PTPRQ: variants seen among roughly 807,000 people sequenced by gnomAD.
The protein encoded by PTPRQ is phosphatidylinositol phosphatase PTPRQ.
PTPRQ carries 199 observed loss-of-function variants against 246.0 expected under a neutral mutation model. That is an observed-to-expected ratio of 0.81 (90% CI 0.72 to 0.91). The LOEUF is 0.91. PTPRQ is among the 40% of genes least tolerant of loss of function. PTPRQ has a pLI of 0.00. For missense variants in PTPRQ, 2,624 were observed against 2,528.4 expected (o/e 1.04, Z -0.81); for synonymous variants, 869 against 853.2 (o/e 1.02, Z -0.32).
Position 80,641,092 on chromosome 12 carries a change from T to C in PTPRQ, c.5915+6019T>C, listed in dbSNP as rs192607635. 5.3e-5 allele frequency among the ~76,000 whole-genome samples: 8 copies of C among 152,312 alleles called. No homozygotes were observed. In the East Asian group the frequency reaches 9.6e-4, roughly 18 times the overall value. On this transcript the variant is annotated intron_variant, in intron 35 of 44. Coordinates refer to ENST00000644991, the MANE Select transcript of PTPRQ (RefSeq NM_001145026.2). ...TCTTGTTCCCTGACTCTCTAGTGCA[T>C]ACACAGAATGGCATATTTCATGGAA... is the stretch of plus-strand genomic sequence containing the variant.
chr12:80,565,643 A>G (rs1485940078), intron 25 of PTPRQ, among the ~76,000 whole-genome samples: 2 of 152,240 alleles, frequency 1.3e-5, no homozygotes, highest in Admixed American at 6.5e-5. Context: ...AACGTCATGG[A>G]AAAACTTTTA....
intron 43 of PTPRQ, among the ~76,000 whole-genome samples, chr12:80,678,278 G>T (rs1049738354): frequency 1.3e-5 from 2 of 152,062 alleles, no homozygotes; most frequent in African/African-American, 4.8e-5. Context: ...TACCAATTAG[G>T]TCTAACAGGA....
chr12:80,541,878 G>T lies in PTPRQ; in HGVS notation c.3445+33G>T, dbSNP rs1038718923. The T allele has an allele frequency of 4.7e-6, 7 of 1,491,894 alleles. No individual in the cohort carries two copies. In the Admixed American group the frequency reaches 1.0e-4, roughly 22 times the overall value. 92.4% of individuals were successfully genotyped at this position (1,491,894 alleles called of 1,614,324 possible). ...AGACCCTTTTATTGTCTGTTAAGCA[G>T]ATTGTTGTTCTTTTCATTTACATTG... On this transcript the variant is annotated intron_variant, in intron 21 of 44. Transcript: ENST00000644991.
chr12:80,586,205 A>C (rs1897612612), intron 25 of PTPRQ, among the ~76,000 whole-genome samples: 1 of 152,064 alleles, frequency 6.6e-6, no homozygotes, highest in Non-Finnish European at 1.5e-5. Context: ...ACAAGAAAAA[A>C]ACAAACAACC....
intron 25 of PTPRQ, chr12:80,586,590 T>G (rs1423059930): frequency 6.6e-6 from 1 of 152,228 alleles, no homozygotes; most frequent in African/African-American, 2.4e-5. Flanking sequence ...TAAAGGAATT[T>G]AGTATCTTCT....
At position 80,460,688 on chromosome 12, in the gene PTPRQ, C is replaced by A; in HGVS notation, c.696C>A (p.Ser232Arg). 2.5e-6 allele frequency: 1 copy of A among 399,004 alleles called. No homozygotes were observed. Among genetic ancestry groups the A allele is most frequent in the Non-Finnish European group, 4.4e-6 (1 of 226,140 alleles). The allele number at this position is 399,004 out of a possible 1,614,324, so 24.7% of individuals were successfully genotyped here. The change falls in exon 6 of 45, where the codon AGC becomes AGA. Residue 232 changes from serine (S) to arginine (R), a missense_variant. By Grantham distance (110) the Ser-to-Arg change is moderately radical. Transcript: ENST00000644991. The stretch of plus-strand genomic sequence containing the variant: ...AATCTTTTTTATGGAGTACAGCCAG[C>A]CCTTCTCCAACCCTTGGTAGAGTTA... ...NSESFLWSTA[S>R]PSPTLGRVTP... is the part of the protein sequence containing the mutation.
chr12:80,668,004 G>T (rs764090680), intron 39 of PTPRQ, among the ~76,000 whole-genome samples: 2 of 151,718 alleles, frequency 1.3e-5, no homozygotes, highest in African/African-American at 2.4e-5. Context: ...AAATAAACTT[G>T]CTGGATTACA....
chr12:80,457,588 A>T lies in PTPRQ; in HGVS notation c.404A>T (p.Asn135Ile), dbSNP rs1893019139. 3 of 400,158 alleles carry T rather than the reference A, an allele frequency of 7.5e-6. No homozygotes were observed. The highest frequency in any genetic ancestry group is 4.4e-6 in the Non-Finnish European group (1 of 225,948). 24.8% of individuals were successfully genotyped at this position (400,158 alleles called of 1,614,324 possible). ...TTYEIKVAAENSAGIGVFSDP... is the reference protein window; with the variant it reads ...TTYEIKVAAEISAGIGVFSDP... ...GGTCTGTTCTAGGTTGCTGCTGAAA[A>T]CAGTGCTGGCATTGGAGTGTTTAGT... is the stretch of plus-strand genomic sequence containing the variant. The change falls in exon 4 of 45, where the codon AAC becomes ATC. Residue 135 changes from asparagine to isoleucine, a missense_variant. Transcript: ENST00000644991.
At chr12:80,580,243 A>G (rs945537793) in intron 25 of PTPRQ, among the ~76,000 whole-genome samples, 8 of 152,210 alleles carry the variant, frequency 5.3e-5, no homozygotes, top group South Asian at 2.1e-4. Flanking sequence ...AACCATGATG[A>G]AAGTATTTTA....
At position 80,460,884 on chromosome 12, in the gene PTPRQ, G is replaced by T. The variant is rs1272789790; in HGVS notation, c.892G>T (p.Val298Phe). The stretch of plus-strand genomic sequence containing the variant: ...AGCAGGTTATATTGATAGTACGATT[G>T]TCAGAACACCAGAATCAGGTATGGT... ...TEAGYIDSTI[V>F]RTPESVPEGP... Residue 298 changes from valine (V) to phenylalanine (F), a missense_variant, in exon 6 of 45, where the codon GTC becomes TTC. Coordinates refer to ENST00000644991, the MANE Select transcript of PTPRQ (RefSeq NM_001145026.2). The T allele has an allele frequency of 7.5e-6, 3 of 400,660 alleles. No homozygotes were observed. Among genetic ancestry groups the T allele is most frequent in the Non-Finnish European group, 1.3e-5 (3 of 226,188 alleles). The allele number at this position is 400,660 out of a possible 1,614,324, so 24.8% of individuals were successfully genotyped here. A position where few individuals can be genotyped will look rare whatever the true frequency, so the allele number is the denominator to read the frequency against.
At chr12:80,597,668 AT>A (rs997890312) in intron 26 of PTPRQ, among the ~76,000 whole-genome samples, 1 of 151,894 alleles carries the variant, frequency 6.6e-6, no homozygotes, top group African/African-American at 2.4e-5. Context: ...CAGTGTCACT[AT>A]TTTTTCAAAT....
At chr12:80,539,720 G>A (rs1896093236) in intron 19 of PTPRQ, 56 bp from the exon 20 acceptor site, 3 of 1,382,002 alleles carry the variant, frequency 2.2e-6, no homozygotes, top group Non-Finnish European at 2.9e-6. Flanking sequence ...TTAGTTTGAA[G>A]TGTTCATGCA....
intron 37 of PTPRQ, among the ~76,000 whole-genome samples, chr12:80,651,994 AAC>A (rs926724274): frequency 1.3e-5 from 2 of 152,114 alleles, no homozygotes; most frequent in African/African-American, 4.8e-5. Context: ...AAATTGTTAA[AAC>A]ACATATTTTT....
At chr12:80,462,792 C>A (rs917649021) in intron 6 of PTPRQ, 5 of 143,628 alleles carry the variant, frequency 3.5e-5, no homozygotes, top group Non-Finnish European at 7.5e-5. Flanking sequence ...TCCAACAGAC[C>A]TGCAGCGGAG....
At chr12:80,629,628 A>G (rs933002709) in intron 33 of PTPRQ, among the ~76,000 whole-genome samples, 1 of 152,110 alleles carries the variant, frequency 6.6e-6, no homozygotes, top group East Asian at 1.9e-4. Flanking sequence ...GGACCAGATC[A>G]CACATGCCAC....
chr12:80,662,739 A>G (rs1218169563), intron 39 of PTPRQ, among the ~76,000 whole-genome samples: 2 of 152,030 alleles, frequency 1.3e-5, no homozygotes, highest in Non-Finnish European at 2.9e-5. Context: ...AGTGGCATCC[A>G]TGGGTAAAGG....
chr12:80,520,265 C>T (rs1034486604), intron 17 of PTPRQ, among the ~76,000 whole-genome samples: 3 of 152,028 alleles, frequency 2.0e-5, no homozygotes, highest in African/African-American at 4.8e-5. Flanking sequence ...GCGGTTTCCC[C>T]CATACTGTTC....
intron 2 of PTPRQ, among the ~76,000 whole-genome samples, 198 bp downstream of exon 2, chr12:80,445,047 G>A (rs1254261026): frequency 6.6e-6 from 1 of 151,852 alleles, no homozygotes; most frequent in Non-Finnish European, 1.5e-5. Context: ...CTTTCAAAGT[G>A]CAAAGATAAT....
chr12:80,484,178 G>A (rs900513552), intron 8 of PTPRQ, among the ~76,000 whole-genome samples: 1 of 151,618 alleles, frequency 6.6e-6, no homozygotes, highest in Non-Finnish European at 1.5e-5. Flanking sequence ...GCTTATTTTT[G>A]TATTTTTTAG....
Sources: gnomAD v4.1 joint callset for allele counts (sites outside exome capture counted in the v4.1 genomes callset) on GRCh38, gnomAD v4.1.1 for gene constraint, MANE v1.5 for transcripts, NCBI Gene and HGNC (gene_info 2026-07-23, HGNC 2026-07-21) for gene names.